Variants in TPPP observed in about 807,000 individuals in gnomAD.
The protein encoded by TPPP is tubulin polymerization-promoting protein.
Under a neutral mutation model 15.5 loss-of-function variants are expected in TPPP, and 6 were observed. The observed-to-expected ratio is 0.39, with a 90% CI of 0.21 to 0.77. The LOEUF is 0.77. Among genes scored for constraint, TPPP ranks in the 30% least tolerant of loss-of-function variants. The probability of loss-of-function intolerance (pLI) is 0.42; values close to 1 mark genes in which losing one functional copy is unlikely to be tolerated. For synonymous variants in TPPP, 146 were observed against 133.9 expected, an observed-to-expected ratio of 1.09 and a Z score of -0.63; for missense variants, 269 against 307.2, an observed-to-expected ratio of 0.88 and a Z score of 0.93.
intron 2 of TPPP, chr5:666,782 A>C (rs1739935089): frequency 6.6e-6 from 1 of 152,276 alleles, no homozygotes; most frequent in Non-Finnish European, 1.5e-5. Flanking sequence ...CAGGCCATTC[A>C]GGCAATTTTA....
intron 2 of TPPP, 126 bp from the exon 3 acceptor site, chr5:666,249 C>T (rs1370888411): frequency 1.4e-5 from 16 of 1,111,894 alleles, no homozygotes; most frequent in Middle Eastern, 2.6e-4. Flanking sequence ...CACAGGCGGC[C>T]GCCCTGGTAG....
rs577533399 is a variant in TPPP at position 674,584 on chromosome 5, G to A, written c.311+3166C>T. Among the ~76,000 whole-genome samples the A allele has an allele frequency of 9.3e-4, 141 of 152,206 alleles. 3 individuals are homozygous for A. Among genetic ancestry groups the A allele is most frequent in the African/African-American group, 2.2e-3 (93 of 41,480 alleles). Reference sequence around the variant, plus strand: ...CAGAGGCTCTGGCCCCTGACCTCCCGGGCACAGCCCAGGTCACTGCTGCCT... The same window carrying A: ...CAGAGGCTCTGGCCCCTGACCTCCCAGGCACAGCCCAGGTCACTGCTGCCT... On this transcript the variant is annotated intron_variant, in intron 2 of 3. Transcript: ENST00000360578.
At position 664,094 on chromosome 5, in the gene TPPP, G is replaced by A. The variant is rs905980510; in HGVS notation, c.*1008C>T. On this transcript the variant is annotated 3_prime_UTR_variant, in exon 4 of 4. Transcript: ENST00000360578. ...CCCTAGTGTCCTGCTCTCCGGCGGG[G>A]GGGATTGGCCAGGAGAGGTTAGGCT... is the stretch of plus-strand genomic sequence containing the variant. 3 of 152,580 alleles carry A rather than the reference G, an allele frequency of 2.0e-5. No individual in the cohort carries two copies. Among genetic ancestry groups the A allele is most frequent in the African/African-American group, 7.2e-5 (3 of 41,464 alleles). The allele number at this position is 152,580 out of a possible 1,614,324, so 9.5% of individuals were successfully genotyped here.
intron 2 of TPPP, among the ~76,000 whole-genome samples, chr5:673,602 C>CG (rs1253010342): frequency 1.3e-5 from 2 of 152,196 alleles, no homozygotes; most frequent in Non-Finnish European, 2.9e-5. Context: ...TGCCCAGGAC[C>CG]GGGTCTCAGC....
chr5:667,830 A>T (rs1054042060), intron 2 of TPPP, among the ~76,000 whole-genome samples: 58 of 151,556 alleles, frequency 3.8e-4, no homozygotes, highest in Non-Finnish European at 3.7e-4. Flanking sequence ...ACAGACAAGC[A>T]CACGGAGAGG....
At chr5:683,382 C>T (rs142910423) in intron 1 of TPPP, among the ~76,000 whole-genome samples, 460 of 152,338 alleles carry the variant, frequency 3.0e-3, no homozygotes, top group Middle Eastern at 0.01. Flanking sequence ...CAGGCACGCA[C>T]GCCACACACT....
chr5:681,375 C>A (rs112297579), intron 1 of TPPP, among the ~76,000 whole-genome samples: 2,857 of 152,314 alleles, frequency 0.019, 48 homozygotes, highest in African/African-American at 0.033. Context: ...GTGCCCTGAG[C>A]CCCCAGGGGG....
At chr5:697,484 T>C (rs987858321), upstream of TPPP, among the ~76,000 whole-genome samples, 4 of 151,950 alleles carry the variant, frequency 2.6e-5, no homozygotes, top group African/African-American at 4.8e-5. Flanking sequence ...GAGGATGGCG[T>C]TGCAGAGCGG....
chr5:697,517 C>A (rs1456125123), upstream of TPPP, among the ~76,000 whole-genome samples: 1 of 152,048 alleles, frequency 6.6e-6, no homozygotes, highest in African/African-American at 2.4e-5. Context: ...AAGGGAGGAA[C>A]TTGTGTCTGC....
chr5:691,749 C>A (rs1269111574), intron 1 of TPPP, among the ~76,000 whole-genome samples: 6 of 62,734 alleles, frequency 9.6e-5, no homozygotes, highest in East Asian at 1.3e-3. Flanking sequence ...CAGCCCCCAA[C>A]CCCCATCAAA....
At chr5:668,146 G>A (rs77774029) in intron 2 of TPPP, among the ~76,000 whole-genome samples, 8 of 55,062 alleles carry the variant, frequency 1.5e-4, no homozygotes, top group Admixed American at 2.0e-4. Flanking sequence ...CGTGGGCCCC[G>A]TCAGGGAAGT....
rs1740505807 is a variant in TPPP at position 677,928 on chromosome 5, A to T, written c.133T>A (p.Ser45Thr). ...SEGAGEGAAA[S>T]PELSALEEAF... is the part of the protein sequence containing the mutation. ...TCCTCCAGGGCACTGAGCTCAGGGG[A>T]TGCGGCTGCCCCCTCACCAGCACCC... The change falls in exon 2 of 4, where the codon TCC becomes ACC. Residue 45 changes from serine to threonine, a missense_variant. Coordinates refer to ENST00000360578, the MANE Select transcript of TPPP (RefSeq NM_007030.3). The T allele has an allele frequency of 6.2e-7, 1 of 1,612,416 alleles. No individual in the cohort carries two copies. The highest frequency in any genetic ancestry group is 8.5e-7 in the Non-Finnish European group (1 of 1,179,806).
intron 1 of TPPP, among the ~76,000 whole-genome samples, chr5:679,098 G>T (rs1270164926): frequency 2.4e-3 from 360 of 152,144 alleles, no homozygotes; most frequent in African/African-American, 4.4e-3. Context: ...CGAGGACACA[G>T]GTAGGTGTCC....
chr5:671,914 G>T (rs1186857623), intron 2 of TPPP, among the ~76,000 whole-genome samples: 1 of 152,222 alleles, frequency 6.6e-6, no homozygotes, highest in Non-Finnish European at 1.5e-5. Flanking sequence ...CCACGGGGGA[G>T]GGGGAGGGGA....
chr5:682,189 T>G (rs1162341423), intron 1 of TPPP, among the ~76,000 whole-genome samples: 1 of 148,334 alleles, frequency 6.7e-6, no homozygotes, highest in Non-Finnish European at 1.5e-5. Context: ...GTCCAGGGGC[T>G]GGAAACCCGG....
the TPPP span, among the ~76,000 whole-genome samples, chr5:699,826 T>G: frequency 2.2e-5 from 2 of 90,884 alleles, no homozygotes; most frequent in African/African-American, 8.0e-5. Flanking sequence ...ACAAAAGTGG[T>G]CAAAAAACAT....
intron 2 of TPPP, among the ~76,000 whole-genome samples, chr5:676,844 GACA>G (rs1561088272): frequency 3.1e-5 from 4 of 129,052 alleles, no homozygotes; most frequent in African/African-American, 1.3e-4. Flanking sequence ...GTGCACACAC[GACA>G]CAGAAACGCG....
intron 3 of TPPP, among the ~76,000 whole-genome samples, chr5:665,497 C>T (rs115583953): frequency 0.017 from 2,601 of 152,148 alleles, 75 homozygotes; most frequent in African/African-American, 0.059. Context: ...GGTGCCACAA[C>T]CCTAACAATT....
intron 2 of TPPP, chr5:676,498 G>A (rs180968187): frequency 8.5e-5 from 13 of 152,410 alleles, no homozygotes; most frequent in Middle Eastern, 3.4e-3. Context: ...GAAGGTGCAG[G>A]AGCTCTGAGA....
Sources: allele counts gnomAD v4.1 joint callset (sites outside exome capture counted in the v4.1 genomes callset), GRCh38; gene constraint gnomAD v4.1.1; transcripts MANE v1.5; gene names NCBI Gene and HGNC (gene_info 2026-07-23, HGNC 2026-07-21).